SLC39A10: variants seen among roughly 807,000 people sequenced by gnomAD.
SLC39A10 encodes the protein solute carrier family 39 member 10.
SLC39A10 carries 13 observed loss-of-function variants against 65.1 expected under a neutral mutation model. The ratio of observed to expected loss-of-function variants is 0.20; its 90% confidence interval spans 0.13 to 0.32. SLC39A10 has a LOEUF of 0.32. Among genes scored for constraint, SLC39A10 ranks in the 10% least tolerant of loss-of-function variants. The pLI is 1.00. For synonymous variants in SLC39A10, 321 were observed against 342.2 expected (o/e 0.94, Z 0.68); for missense variants, 831 against 1,018.4 (o/e 0.82, Z 2.50).
intron 1 of SLC39A10, among the ~76,000 whole-genome samples, chr2:195,661,036 T>C (rs562490178): frequency 8.7e-4 from 133 of 152,276 alleles, no homozygotes; most frequent in Non-Finnish European, 1.0e-3. Flanking sequence ...ATCATTAATA[T>C]TATTTTATGT....
intron 1 of SLC39A10, among the ~76,000 whole-genome samples, chr2:195,672,304 CT>C (rs1231038686): frequency 3.3e-5 from 5 of 151,822 alleles, no homozygotes; most frequent in Non-Finnish European, 7.4e-5. Flanking sequence ...TAATTTTTTA[CT>C]TTTTTTGTAG....
intron 9 of SLC39A10, among the ~76,000 whole-genome samples, chr2:195,733,729 T>C (rs908781092): frequency 5.3e-5 from 8 of 152,006 alleles, no homozygotes; most frequent in Non-Finnish European, 7.4e-5. Flanking sequence ...GGAGTTACTC[T>C]ATGTTGTTCA....
intron 3 of SLC39A10, among the ~76,000 whole-genome samples, chr2:195,697,760 G>A (rs889303494): frequency 2.0e-5 from 3 of 152,094 alleles, no homozygotes; most frequent in Non-Finnish European, 4.4e-5. Context: ...AGTGGGCAAA[G>A]GACATGAATA....
At chr2:195,720,602 A>G (rs1324604648) in intron 8 of SLC39A10, among the ~76,000 whole-genome samples, 1 of 152,238 alleles carries the variant, frequency 6.6e-6, no homozygotes, top group Non-Finnish European at 1.5e-5. Context: ...TTATCATATA[A>G]ATTTCTTGAA....
intron 5 of SLC39A10, among the ~76,000 whole-genome samples, chr2:195,712,554 G>A (rs920901574): frequency 4.6e-5 from 7 of 152,146 alleles, no homozygotes; most frequent in African/African-American, 7.2e-5. Context: ...GTCAGTAAGC[G>A]TCTCCCAGAG....
chr2:195,636,002 G>C lies in SLC39A10; in HGVS notation c.-12+29769G>C, dbSNP rs183696710. Among the ~76,000 whole-genome samples, 673 of 152,190 alleles carry C rather than the reference G, an allele frequency of 4.4e-3. 9 individuals are homozygous for C. Among genetic ancestry groups the C allele is most frequent in the African/African-American group, 0.016 (653 of 41,532 alleles). Reference sequence around the variant, plus strand: ...AAGATCCATTCAAAATGCATACTAGGCCAAAAGATCTAAGGGGAACAGAGT... The same window carrying C: ...AAGATCCATTCAAAATGCATACTAGCCCAAAAGATCTAAGGGGAACAGAGT... On this transcript the variant is annotated intron_variant, in intron 2 of 2. Coordinates refer to the SLC39A10 transcript ENST00000458054.
chr2:195,709,189 T>C (rs964922750), intron 5 of SLC39A10, among the ~76,000 whole-genome samples: 3 of 146,334 alleles, frequency 2.1e-5, no homozygotes, highest in Non-Finnish European at 1.5e-5. Context: ...CATGCCCAGC[T>C]AACTTGTATG....
intron 3 of SLC39A10, among the ~76,000 whole-genome samples, chr2:195,703,156 C>T (rs1361682024): frequency 6.6e-6 from 1 of 152,152 alleles, no homozygotes; most frequent in Non-Finnish European, 1.5e-5. Flanking sequence ...TCTCATAGAA[C>T]TAATGAGCTC....
At chr2:195,650,145 G>A (rs1559015249) in intron 2 of SLC39A10, among the ~76,000 whole-genome samples, 1 of 152,104 alleles carries the variant, frequency 6.6e-6, no homozygotes, top group Non-Finnish European at 1.5e-5. Flanking sequence ...AGCCGGGCAT[G>A]GTGGTGGGCA....
At chr2:195,652,170 T>C (rs1689044643), upstream of SLC39A10, among the ~76,000 whole-genome samples, 3 of 152,188 alleles carry the variant, frequency 2.0e-5, no homozygotes, top group Admixed American at 1.3e-4. Flanking sequence ...AAATAGTTTA[T>C]CTACAGACCT....
At chr2:195,718,370 A>G (rs202104221) in intron 8 of SLC39A10, 38 bp downstream of exon 8, 2 of 1,464,166 alleles carry the variant, frequency 1.4e-6, no homozygotes, top group South Asian at 2.4e-5. Flanking sequence ...ATTTCATCAA[A>G]TCTAAGACTT....
chr2:195,667,833 A>C (rs1028246069), intron 1 of SLC39A10, among the ~76,000 whole-genome samples: 2 of 152,232 alleles, frequency 1.3e-5, no homozygotes, highest in East Asian at 3.8e-4. Flanking sequence ...AAGTAGGGAC[A>C]GAACTCAATT....
chr2:195,614,547 T>C (rs1688166563), intron 2 of SLC39A10, among the ~76,000 whole-genome samples: 1 of 152,172 alleles, frequency 6.6e-6, no homozygotes, highest in African/African-American at 2.4e-5. Context: ...ATACTAAACT[T>C]TGACATAAAA....
intron 4 of SLC39A10, among the ~76,000 whole-genome samples, chr2:195,708,137 TACA>T (rs981282061): frequency 1.0e-3 from 152 of 152,254 alleles, no homozygotes; most frequent in African/African-American, 3.3e-3. Flanking sequence ...AAATAATCTG[TACA>T]ACAACTCCCC....
At chr2:195,642,801 A>G (rs1454236649) in intron 2 of SLC39A10, among the ~76,000 whole-genome samples, 1 of 152,128 alleles carries the variant, frequency 6.6e-6, no homozygotes, top group Non-Finnish European at 1.5e-5. Flanking sequence ...TCCTTTACAC[A>G]CACTAGAGTA....
At chr2:195,684,930 G>A (rs12995218) in intron 3 of SLC39A10, among the ~76,000 whole-genome samples, 3,773 of 151,996 alleles carry the variant, frequency 0.025, 83 homozygotes, top group Non-Finnish European at 0.034. Flanking sequence ...AACACATATC[G>A]CAGACACTGT....
intron 8 of SLC39A10, among the ~76,000 whole-genome samples, chr2:195,720,672 T>G (rs1691999991): frequency 6.6e-6 from 1 of 152,214 alleles, no homozygotes; most frequent in South Asian, 2.1e-4. Flanking sequence ...TGGTGCTAAT[T>G]CCTTGGGGCT....
In SLC39A10 at chr2:195,737,208, T is replaced by C. The variant is rs894185570; in HGVS notation, c.*2167T>C. On this transcript the variant is annotated 3_prime_UTR_variant, in exon 10 of 10. Coordinates refer to ENST00000359634, the MANE Select transcript of SLC39A10 (RefSeq NM_020342.3). The stretch of plus-strand genomic sequence containing the variant: ...TTCCACATCATTCTAATGTATAGTT[T>C]CAAGTCTTAATAGACAATCTGAATT... The C allele has an allele frequency of 6.6e-6, 1 of 152,652 alleles. No homozygotes were observed. The highest frequency in any genetic ancestry group is 2.1e-4 in the South Asian group (1 of 4,832). The allele number at this position is 152,652 out of a possible 1,614,324, so 9.5% of individuals were successfully genotyped here.
chr2:195,697,823 C>G (rs1271845262), intron 3 of SLC39A10, among the ~76,000 whole-genome samples: 1 of 152,134 alleles, frequency 6.6e-6, no homozygotes, highest in African/African-American at 2.4e-5. Context: ...TGAAGAAAAG[C>G]TCCACATCAC....
Sources: allele counts gnomAD v4.1 joint callset (sites outside exome capture counted in the v4.1 genomes callset), GRCh38; gene constraint gnomAD v4.1.1; transcripts MANE v1.5; gene names NCBI Gene and HGNC (gene_info 2026-07-23, HGNC 2026-07-21).